The following LINGO2 variants were observed in gnomAD, a reference collection of about 807,000 sequenced individuals.
The protein encoded by LINGO2 is leucine-rich repeat and immunoglobulin-like domain-containing nogo receptor-interacting protein 2.
In LINGO2, 14 loss-of-function variants were observed where a neutral mutation model predicts 30.6. That is an observed-to-expected ratio of 0.46 (90% CI 0.30 to 0.72). LINGO2 has a LOEUF of 0.72. Ranked by LOEUF, LINGO2 falls within the 30% of genes least tolerant of loss-of-function variation. LINGO2 has a pLI of 0.07. For missense variants in LINGO2, 729 were observed against 751.7 expected (o/e 0.97, Z 0.35); for synonymous variants, 317 against 288.5 (o/e 1.10, Z -1.00).
chr9:28,619,453 G>A (rs939588217), intron 1 of LINGO2, among the ~76,000 whole-genome samples: 4 of 152,006 alleles, frequency 2.6e-5, no homozygotes, highest in Non-Finnish European at 2.9e-5. Context: ...ATTTTCTTAC[G>A]CCACTTCTTT....
intron 1 of LINGO2, among the ~76,000 whole-genome samples, chr9:28,560,966 C>T (rs981982395): frequency 6.6e-6 from 1 of 152,054 alleles, no homozygotes; most frequent in Non-Finnish European, 1.5e-5. Flanking sequence ...TAAGCCACCA[C>T]ACCTGGCCTC....
At chr9:28,814,121 A>G in the LINGO2 span, among the ~76,000 whole-genome samples, 1 of 152,200 alleles carries the variant, frequency 6.6e-6, no homozygotes, top group Admixed American at 6.5e-5. Flanking sequence ...CCAGACTCAA[A>G]TCACACATGT....
chr9:29,080,514 T>C, the LINGO2 span, among the ~76,000 whole-genome samples: 10 of 152,118 alleles, frequency 6.6e-5, no homozygotes, highest in Admixed American at 2.0e-4. Flanking sequence ...CTTGCTTCTC[T>C]AGTTCTTTCA....
chr9:29,127,829 G>A, the LINGO2 span, among the ~76,000 whole-genome samples: 8 of 152,204 alleles, frequency 5.3e-5, no homozygotes, highest in Non-Finnish European at 8.8e-5. Flanking sequence ...GTGGCAACTC[G>A]TCCAGGGTGA....
intron 4 of LINGO2, among the ~76,000 whole-genome samples, chr9:28,142,595 A>C (rs1237125662): frequency 1.3e-5 from 2 of 152,212 alleles, no homozygotes; most frequent in African/African-American, 4.8e-5. Context: ...AAGAAAGACT[A>C]GGTTAACTAA....
chr9:28,122,391 G>A (rs974470416), intron 4 of LINGO2, among the ~76,000 whole-genome samples: 1 of 152,114 alleles, frequency 6.6e-6, no homozygotes, highest in Non-Finnish European at 1.5e-5. Context: ...AGTGCTTAGG[G>A]CTTCACTACA....
intron 4 of LINGO2, among the ~76,000 whole-genome samples, chr9:28,152,670 T>C (rs915392609): frequency 6.6e-6 from 1 of 152,150 alleles, no homozygotes; most frequent in African/African-American, 2.4e-5. Context: ...CTGGAAGCTT[T>C]TTGAAACAAG....
At chr9:29,119,791 T>C in the LINGO2 span, among the ~76,000 whole-genome samples, 1 of 151,974 alleles carries the variant, frequency 6.6e-6, no homozygotes, top group Non-Finnish European at 1.5e-5. Flanking sequence ...AGAGATGGGG[T>C]TTCACCATGT....
the LINGO2 span, among the ~76,000 whole-genome samples, chr9:28,814,432 T>A: frequency 6.6e-6 from 1 of 152,106 alleles, no homozygotes; most frequent in Non-Finnish European, 1.5e-5. Context: ...CGAGACTCCA[T>A]CTCAAACAAA....
intron 4 of LINGO2, among the ~76,000 whole-genome samples, chr9:28,139,165 GGT>G: frequency 6.6e-6 from 1 of 152,218 alleles, no homozygotes; most frequent in African/African-American, 2.4e-5. Flanking sequence ...AGTGATGCAG[GGT>G]ATGGACCTTA....
chr9:29,040,507 A>G, the LINGO2 span, among the ~76,000 whole-genome samples: 2 of 151,926 alleles, frequency 1.3e-5, no homozygotes, highest in Non-Finnish European at 2.9e-5. Flanking sequence ...CAATGTTCAT[A>G]ACAGAACTTA....
At chr9:28,105,849 A>G (rs1826574421) in intron 4 of LINGO2, among the ~76,000 whole-genome samples, 1 of 152,080 alleles carries the variant, frequency 6.6e-6, no homozygotes, top group Non-Finnish European at 1.5e-5. Flanking sequence ...ATTGACCAGA[A>G]ACTTGATCTC....
At chr9:29,114,440 A>C in the LINGO2 span, among the ~76,000 whole-genome samples, 1 of 149,560 alleles carries the variant, frequency 6.7e-6, no homozygotes, top group Non-Finnish European at 1.5e-5. Context: ...TTTAGGATAC[A>C]TGTGCACAAT....
exon 6 of LINGO2, chr9:27,949,944 G>T (rs1426719901): frequency 5.0e-6 from 8 of 1,614,076 alleles, no homozygotes; most frequent in Non-Finnish European, 6.8e-6. Flanking sequence ...GAGGCTATTG[G>T]CAGGCATCAT....
intron 4 of LINGO2, among the ~76,000 whole-genome samples, chr9:28,145,474 A>T (rs1222399956): frequency 1.3e-5 from 2 of 152,210 alleles, no homozygotes; most frequent in South Asian, 2.1e-4. Context: ...CCACATTATC[A>T]TCTATTTTTA....
Position 28,652,939 on chromosome 9 carries a change from G to A in LINGO2, c.-365+17261C>T, listed in dbSNP as rs145559341. Among the ~76,000 whole-genome samples the A allele has an allele frequency of 2.0e-5, 3 of 152,112 alleles. No individual in the cohort carries two copies. In the East Asian group the frequency reaches 5.8e-4, roughly 29 times the overall value. Reference sequence around the variant, plus strand: ...GTTGGGATATATATTGAATTTAGGAGAAAGTGCGTTAGTTAAATTGATAGT... The same window carrying A: ...GTTGGGATATATATTGAATTTAGGAAAAAGTGCGTTAGTTAAATTGATAGT... On this transcript the variant is annotated intron_variant, in intron 1 of 5. Coordinates refer to ENST00000379992, the Ensembl canonical transcript of LINGO2.
the LINGO2 span, among the ~76,000 whole-genome samples, chr9:28,704,091 CT>C: frequency 2.0e-5 from 3 of 152,062 alleles, no homozygotes; most frequent in Admixed American, 2.0e-4. Context: ...CTCTGAAGAA[CT>C]TTTTAAAATC....
chr9:28,926,027 T>G, the LINGO2 span, among the ~76,000 whole-genome samples: 1 of 152,154 alleles, frequency 6.6e-6, no homozygotes, highest in East Asian at 1.9e-4. Context: ...AGAAACCATT[T>G]GGTTAAGCCA....
chr9:28,660,171 A>C (rs999200586), intron 1 of LINGO2, among the ~76,000 whole-genome samples: 7 of 152,184 alleles, frequency 4.6e-5, no homozygotes, highest in African/African-American at 1.7e-4. Flanking sequence ...TGTGAAAGTG[A>C]ATAAAGATTA....
Sources: gnomAD v4.1 joint callset for allele counts (sites outside exome capture counted in the v4.1 genomes callset) on GRCh38, gnomAD v4.1.1 for gene constraint, MANE v1.5 for transcripts, NCBI Gene and HGNC (gene_info 2026-07-23, HGNC 2026-07-21) for gene names.